The following GOLGA4 variants were observed in gnomAD, a reference collection of about 807,000 sequenced individuals.
GOLGA4 encodes golgin subfamily A member 4.
GOLGA4 carries 169 observed loss-of-function variants against 265.9 expected under a neutral mutation model. The ratio of observed to expected loss-of-function variants is 0.64; its 90% CI spans 0.56 to 0.72. The LOEUF (loss-of-function observed/expected upper bound fraction) is 0.72. GOLGA4 is among the 30% of genes least tolerant of loss of function. The probability of loss-of-function intolerance (pLI) is 0.00; values close to 1 mark genes in which losing one functional copy is unlikely to be tolerated. For missense variants in GOLGA4, 2,482 were observed against 2,483.4 expected, an observed-to-expected ratio of 1.00 and a Z score of 0.01; for synonymous variants, 923 against 855.8, an observed-to-expected ratio of 1.08 and a Z score of -1.37.
intron 10 of GOLGA4, among the ~76,000 whole-genome samples, chr3:37,307,512 A>G (rs2096910016): frequency 6.6e-6 from 1 of 152,204 alleles, no homozygotes; most frequent in South Asian, 2.1e-4. Flanking sequence ...ACATGCCAAT[A>G]AGTGAATCAT....
chr3:37,263,689 T>C (rs1397351569), intron 2 of GOLGA4, among the ~76,000 whole-genome samples: 1 of 152,168 alleles, frequency 6.6e-6, no homozygotes, highest in Non-Finnish European at 1.5e-5. Context: ...TGATATACTT[T>C]GATATACACA....
intron 23 of GOLGA4, among the ~76,000 whole-genome samples, chr3:37,364,444 G>A (rs528166129): frequency 6.6e-6 from 1 of 152,076 alleles, no homozygotes; most frequent in East Asian, 1.9e-4. Flanking sequence ...GTTTCACCAT[G>A]TTGGCCAGGC....
In GOLGA4 at chr3:37,315,585, T is replaced by C. The variant is rs761701672; in HGVS notation, c.1400T>C (p.Val467Ala). Residue 467 changes from valine to alanine, a missense_variant, in exon 11 of 24, where the codon GTT (valine) becomes GCT (alanine). Around this residue, in one of 3 missense-constraint regions of GOLGA4, gnomAD observed 1,536 missense variants for 1,483.7 expected, o/e 1.04. Coordinates refer to ENST00000361924, the MANE Select transcript of GOLGA4 (RefSeq NM_002078.5). Reference sequence around the variant, plus strand: ...TTAAGTCGGGTGAAACAGGAGGTTGTTGATGTAATGAAAGTAAGAATAATT... The same window carrying C: ...TTAAGTCGGGTGAAACAGGAGGTTGCTGATGTAATGAAAGTAAGAATAATT... Reference protein sequence around the residue: ...QELSRVKQEVVDVMKKSSEEQ... With the variant: ...QELSRVKQEVADVMKKSSEEQ... 6.2e-7 allele frequency: 1 copy of C among 1,612,666 alleles called. No individual in the cohort carries two copies. The highest frequency in any genetic ancestry group is 8.5e-7 in the Non-Finnish European group (1 of 1,178,866).
intron 2 of GOLGA4, among the ~76,000 whole-genome samples, chr3:37,264,383 A>T (rs550692974): frequency 4.6e-5 from 7 of 152,224 alleles, no homozygotes; most frequent in African/African-American, 1.7e-4. Context: ...AGAGCCAAAG[A>T]GGCATTTAGC....
chr3:37,365,052 T>C (rs1382017456), intron 23 of GOLGA4, among the ~76,000 whole-genome samples: 2 of 152,104 alleles, frequency 1.3e-5, no homozygotes, highest in East Asian at 1.9e-4. Context: ...CACACCATCA[T>C]GCCTGTCTAA....
chr3:37,257,919 G>GTA (rs1309312309), intron 2 of GOLGA4, among the ~76,000 whole-genome samples: 8 of 114,060 alleles, frequency 7.0e-5, no homozygotes, highest in South Asian at 2.5e-4. Context: ...ATATATGTAT[G>GTA]TATATATGTA....
intron 5 of GOLGA4, among the ~76,000 whole-genome samples, chr3:37,294,456 C>G (rs2096873021): frequency 6.7e-6 from 1 of 149,754 alleles, no homozygotes; most frequent in Admixed American, 6.7e-5. Context: ...CAAGCCTCAA[C>G]TCACTGCAAC....
At chr3:37,285,111 A>G (rs2096844891) in intron 3 of GOLGA4, among the ~76,000 whole-genome samples, 1 of 151,734 alleles carries the variant, frequency 6.6e-6, no homozygotes, top group African/African-American at 2.4e-5. Context: ...GTAGGGTCCA[A>G]AGAATTCACT....
chr3:37,359,088 T>C (rs1176278101), intron 22 of GOLGA4, among the ~76,000 whole-genome samples: 10 of 152,190 alleles, frequency 6.6e-5, no homozygotes, highest in African/African-American at 2.4e-4. Context: ...CAAATGCACA[T>C]ATCTCTGTTT....
chr3:37,340,037 A>G (rs188114041), intron 19 of GOLGA4, 87 bp from the exon 20 acceptor site: 2 of 622,896 alleles, frequency 3.2e-6, no homozygotes, highest in South Asian at 4.2e-5. Flanking sequence ...TCAGCATTAA[A>G]AAACCTTGTG....
At chr3:37,284,362 C>T (rs538355629) in intron 3 of GOLGA4, among the ~76,000 whole-genome samples, 1 of 152,028 alleles carries the variant, frequency 6.6e-6, no homozygotes, top group South Asian at 2.1e-4. Flanking sequence ...CCTACTGGGT[C>T]CTGGGCCAAG....
intron 2 of GOLGA4, among the ~76,000 whole-genome samples, chr3:37,252,286 C>G (rs1199057713): frequency 6.6e-6 from 1 of 151,232 alleles, no homozygotes; most frequent in Admixed American, 6.6e-5. Flanking sequence ...AGGATTACCA[C>G]CATCCTGAAT....
At chr3:37,360,414 T>G (rs1696163261) in intron 22 of GOLGA4, among the ~76,000 whole-genome samples, 1 of 152,172 alleles carries the variant, frequency 6.6e-6, no homozygotes, top group Non-Finnish European at 1.5e-5. Flanking sequence ...CTCATTGTGT[T>G]GTGTGTGTTG....
intron 11 of GOLGA4, among the ~76,000 whole-genome samples, chr3:37,316,871 T>A (rs976082589): frequency 1.3e-5 from 2 of 152,008 alleles, no homozygotes; most frequent in Admixed American, 6.6e-5. Context: ...TTTTTTTTTT[T>A]AACTTAAAAA....
At chr3:37,354,171 T>TATATATTATC (rs1285332512) in intron 21 of GOLGA4, among the ~76,000 whole-genome samples, 1 of 152,036 alleles carries the variant, frequency 6.6e-6, no homozygotes, top group Non-Finnish European at 1.5e-5. Context: ...CTATATTATC[T>TATATATTATC]TTTCCTTAAT....
chr3:37,249,835 C>A (rs917042648), intron 1 of GOLGA4: 3 of 152,224 alleles, frequency 2.0e-5, no homozygotes, highest in Non-Finnish European at 4.4e-5. Context: ...TCCAGTTATA[C>A]TGGGGAGACT....
At chr3:37,260,282 A>G (rs1439634120) in intron 2 of GOLGA4, among the ~76,000 whole-genome samples, 1 of 152,112 alleles carries the variant, frequency 6.6e-6, no homozygotes, top group African/African-American at 2.4e-5. Context: ...CCAAAATCAT[A>G]AGGGTTCTAC....
chr3:37,289,965 A>G (rs1319037125), intron 5 of GOLGA4, among the ~76,000 whole-genome samples: 2 of 152,092 alleles, frequency 1.3e-5, no homozygotes, highest in Non-Finnish European at 2.9e-5. Flanking sequence ...TTTTGTTATG[A>G]GTGTTCTTCA....
chr3:37,338,029 G>A (rs943705388), intron 19 of GOLGA4, among the ~76,000 whole-genome samples: 3 of 152,094 alleles, frequency 2.0e-5, no homozygotes, highest in Non-Finnish European at 2.9e-5. Flanking sequence ...TGCTTTTATC[G>A]GAGAGAAAAT....
Sources: allele counts gnomAD v4.1 joint callset (sites outside exome capture counted in the v4.1 genomes callset), GRCh38; gene constraint gnomAD v4.1.1; regional missense constraint gnomAD v4.1.1; transcripts MANE v1.5; gene names NCBI Gene and HGNC (gene_info 2026-07-23, HGNC 2026-07-21).